LAMA2: variants seen among roughly 807,000 people sequenced by gnomAD.
LAMA2 encodes the protein laminin subunit alpha-2.
A neutral mutation model predicts 364.8 loss-of-function variants in LAMA2; 269 were observed. That is an observed-to-expected ratio of 0.74 (90% CI 0.67 to 0.82). LAMA2 has a LOEUF of 0.82. Ranked by LOEUF, LAMA2 falls within the 40% of genes least tolerant of loss-of-function variation. The pLI is 0.00. For synonymous variants in LAMA2, 1,379 were observed against 1,370.6 expected, an observed-to-expected ratio of 1.01 and a Z score of -0.14; for missense variants, 3,807 against 3,873.2, an observed-to-expected ratio of 0.98 and a Z score of 0.45.
chr6:129,192,203 GT>G (rs1260262104), intron 11 of LAMA2, among the ~76,000 whole-genome samples: 1 of 152,152 alleles, frequency 6.6e-6, no homozygotes, highest in Non-Finnish European at 1.5e-5. Flanking sequence ...TACTTGCATA[GT>G]TTCTTTCTTT....
chr6:129,433,884 A>G (rs1477411124), intron 41 of LAMA2, among the ~76,000 whole-genome samples: 1 of 152,170 alleles, frequency 6.6e-6, no homozygotes, highest in Non-Finnish European at 1.5e-5. Context: ...CCTATGGTAA[A>G]TCCAGCACTT....
At chr6:129,408,930 G>A (rs1002324098) in intron 40 of LAMA2, among the ~76,000 whole-genome samples, 18 of 152,078 alleles carry the variant, frequency 1.2e-4, no homozygotes, top group African/African-American at 4.1e-4. Flanking sequence ...ACTCACATAG[G>A]ATACAAATAT....
intron 1 of LAMA2, among the ~76,000 whole-genome samples, chr6:129,014,921 G>A (rs1784982223): frequency 6.6e-6 from 1 of 151,800 alleles, no homozygotes; most frequent in African/African-American, 2.4e-5. Flanking sequence ...AATCAATAAT[G>A]AGTATATCAC....
chr6:129,270,650 A>C lies in LAMA2; in HGVS notation c.2349A>C (p.Pro783=). The change falls in exon 17 of 65, where the codon CCA becomes CCC. Residue 783 remains proline, a synonymous_variant. Transcript: ENST00000421865. ...CLNCKDHTGG[P]YCDKCLPGFY... ...ACTGTAAGGATCACACAGGTGGCCC[A>C]TATTGTGATAAATGTCTTCCTGGTT... is the stretch of plus-strand genomic sequence containing the variant. The C allele has an allele frequency of 6.2e-7, 1 of 1,613,106 alleles. No homozygotes were observed. Among genetic ancestry groups the C allele is most frequent in the Non-Finnish European group, 8.5e-7 (1 of 1,179,376 alleles).
At chr6:129,118,608 T>A (rs1162584874) in intron 4 of LAMA2, among the ~76,000 whole-genome samples, 1 of 152,232 alleles carries the variant, frequency 6.6e-6, no homozygotes, top group Non-Finnish European at 1.5e-5. Context: ...GTAGCTTACT[T>A]AAAGATCTAT....
intron 28 of LAMA2, among the ~76,000 whole-genome samples, chr6:129,323,530 G>A (rs983248808): frequency 6.6e-6 from 1 of 152,080 alleles, no homozygotes; most frequent in African/African-American, 2.4e-5. Context: ...ACTATTTGCA[G>A]AAGGGGCCAG....
chr6:128,921,473 C>T (rs1300746328), intron 1 of LAMA2, among the ~76,000 whole-genome samples: 3 of 151,910 alleles, frequency 2.0e-5, no homozygotes, highest in Non-Finnish European at 4.4e-5. Context: ...TAGGGTGGAC[C>T]CTGATCCAAT....
chr6:128,924,381 A>G (rs1778952555), intron 1 of LAMA2, among the ~76,000 whole-genome samples: 2 of 152,170 alleles, frequency 1.3e-5, no homozygotes. Flanking sequence ...TTAGTGTTCA[A>G]TTCTAATACC....
intron 37 of LAMA2, among the ~76,000 whole-genome samples, 182 bp from the exon 38 acceptor site, chr6:129,401,042 C>T (rs1293070752): frequency 6.6e-6 from 1 of 152,228 alleles, no homozygotes; most frequent in Non-Finnish European, 1.5e-5. Flanking sequence ...GTACAAGCCT[C>T]TACATAGAAG....
At chr6:129,421,131 A>G (rs1403167433) in intron 40 of LAMA2, among the ~76,000 whole-genome samples, 4 of 152,138 alleles carry the variant, frequency 2.6e-5, no homozygotes, top group African/African-American at 9.7e-5. Context: ...CATGTATTAA[A>G]ATGCAATTAC....
chr6:129,266,735 T>C (rs1408797208), intron 15 of LAMA2, among the ~76,000 whole-genome samples: 2 of 152,270 alleles, frequency 1.3e-5, no homozygotes, highest in South Asian at 2.1e-4. Context: ...TAAGACTATA[T>C]GATGAGTCCT....
chr6:128,952,698 A>T (rs1780905308), intron 1 of LAMA2, among the ~76,000 whole-genome samples: 1 of 152,168 alleles, frequency 6.6e-6, no homozygotes, highest in Non-Finnish European at 1.5e-5. Flanking sequence ...GATTTCTTCC[A>T]TGTACTGTCC....
At chr6:128,900,820 A>G (rs1471476470) in intron 1 of LAMA2, among the ~76,000 whole-genome samples, 1 of 152,146 alleles carries the variant, frequency 6.6e-6, no homozygotes, top group Non-Finnish European at 1.5e-5. Context: ...TGCAAAAATG[A>G]AAACTCCCCT....
intron 32 of LAMA2, among the ~76,000 whole-genome samples, chr6:129,363,424 T>C (rs567587412): frequency 1.1e-4 from 16 of 152,092 alleles, no homozygotes; most frequent in Non-Finnish European, 2.2e-4. Flanking sequence ...AATGTTCATG[T>C]GATTCCAATG....
In LAMA2 at chr6:129,199,193, T is replaced by C. The variant is rs530275406; in HGVS notation, c.1782+6340T>C. ...TTTTATCATCCGTGTTTGAGGTTACTTTAAAATTAGAAAACCAGTTTAAGT... is the reference window on the plus strand; with the variant it reads ...TTTTATCATCCGTGTTTGAGGTTACCTTAAAATTAGAAAACCAGTTTAAGT... On this transcript the variant is annotated intron_variant, in intron 12 of 64. Transcript: ENST00000421865. 6.6e-5 allele frequency among the ~76,000 whole-genome samples: 10 copies of C among 152,296 alleles called. No homozygotes were observed. In the South Asian group the frequency reaches 1.5e-3, roughly 22 times the overall value.
chr6:129,205,788 GT>G (rs1782603738), intron 12 of LAMA2, among the ~76,000 whole-genome samples: 1 of 152,058 alleles, frequency 6.6e-6, no homozygotes, highest in Non-Finnish European at 1.5e-5. Context: ...ACTTTTGGTG[GT>G]TGAGACAGGC....
At chr6:129,165,288 T>C (rs1779678104) in intron 8 of LAMA2, among the ~76,000 whole-genome samples, 1 of 152,010 alleles carries the variant, frequency 6.6e-6, no homozygotes. Context: ...GTTGATATAC[T>C]ATGTATACAA....
intron 1 of LAMA2, among the ~76,000 whole-genome samples, chr6:129,043,051 C>T (rs1787216167): frequency 6.6e-6 from 1 of 152,072 alleles, no homozygotes; most frequent in East Asian, 1.9e-4. Flanking sequence ...ATTTGAAGGA[C>T]TTTTATATTT....
At chr6:129,180,048 A>G (rs1780839492) in intron 10 of LAMA2, among the ~76,000 whole-genome samples, 4 of 99,986 alleles carry the variant, frequency 4.0e-5, no homozygotes, top group Admixed American at 2.6e-4. Flanking sequence ...AGTGTAGTGT[A>G]TTTAAATACT....
Sources: gnomAD v4.1 joint callset for allele counts (sites outside exome capture counted in the v4.1 genomes callset) on GRCh38, gnomAD v4.1.1 for gene constraint, MANE v1.5 for transcripts, NCBI Gene and HGNC (gene_info 2026-07-23, HGNC 2026-07-21) for gene names.